ARMC2: variants seen among roughly 807,000 people sequenced by gnomAD.
The protein encoded by ARMC2 is armadillo repeat containing 2, also known as armadillo repeat-containing protein 2.
Under a neutral mutation model 90.3 loss-of-function variants are expected in ARMC2, and 67 were observed. That is an observed-to-expected ratio of 0.74 (90% CI 0.61 to 0.91). ARMC2 has a LOEUF of 0.91. Among genes scored for constraint, ARMC2 ranks in the 40% least tolerant of loss-of-function variants. ARMC2 has a pLI of 0.00. For synonymous variants in ARMC2, 393 were observed against 393.0 expected (o/e 1.00, Z 0.00); for missense variants, 920 against 1,030.9 (o/e 0.89, Z 1.47).
At position 108,928,244 on chromosome 6, in the gene ARMC2, T is replaced by G; in HGVS notation, c.1496+11T>G. 2 of 1,476,912 alleles carry G rather than the reference T, an allele frequency of 1.4e-6. No individual in the cohort carries two copies. The highest frequency in any genetic ancestry group is 1.8e-6 in the Non-Finnish European group (2 of 1,108,902). The allele number at this position is 1,476,912 out of a possible 1,614,324, so 91.5% of individuals were successfully genotyped here. A position where few individuals can be genotyped will look rare whatever the true frequency, so the allele number is the denominator to read the frequency against. On this transcript the variant is annotated intron_variant, in intron 11 of 17. Transcript: ENST00000392644. ...TGCCAGAATATTCAGGTAGGTAGAC[T>G]AAGACGTGAAGTAGCCTTACAAAAA...
the ARMC2 span, chr6:108,988,432 T>C: frequency 2.2e-6 from 2 of 921,150 alleles, no homozygotes; most frequent in Non-Finnish European, 3.1e-6. Context: ...GGAATGTTTT[T>C]CTTTGGGTTG....
At chr6:108,859,882 C>T (rs1209135187) in intron 3 of ARMC2, among the ~76,000 whole-genome samples, 1 of 151,874 alleles carries the variant, frequency 6.6e-6, no homozygotes, top group African/African-American at 2.4e-5. Flanking sequence ...TGCATGTTTG[C>T]AATCCCAGCC....
chr6:109,034,957 A>G, the ARMC2 span, among the ~76,000 whole-genome samples: 1 of 152,246 alleles, frequency 6.6e-6, no homozygotes, highest in Non-Finnish European at 1.5e-5. Context: ...TGTCACTGGA[A>G]GCCTAATCTC....
intron 17 of ARMC2, among the ~76,000 whole-genome samples, chr6:108,965,373 T>A (rs973276828): frequency 8.1e-6 from 1 of 122,736 alleles, no homozygotes. Flanking sequence ...TTCTATGGCT[T>A]TTTTTTTTTT....
In ARMC2 at chr6:108,899,807, A is replaced by G. The variant is rs1264862517; in HGVS notation, c.847+15A>G. 6.3e-7 allele frequency: 1 copy of G among 1,589,832 alleles called. No homozygotes were observed. The highest frequency in any genetic ancestry group is 2.2e-5 in the East Asian group (1 of 44,694). On this transcript the variant is annotated intron_variant, in intron 7 of 17. Coordinates refer to ENST00000392644, the MANE Select transcript of ARMC2 (RefSeq NM_032131.6). The stretch of plus-strand genomic sequence containing the variant: ...ATTAGAAAAGGGTAAAACACAAACA[A>G]ACAAACAAAAAACCGTTTTTGTTTT...
At chr6:108,944,031 G>A (rs1316049806) in intron 12 of ARMC2, among the ~76,000 whole-genome samples, 1 of 152,184 alleles carries the variant, frequency 6.6e-6, no homozygotes, top group Non-Finnish European at 1.5e-5. Context: ...CAAATGAACA[G>A]CAGGTTTTGA....
intron 13 of ARMC2, among the ~76,000 whole-genome samples, chr6:108,956,006 C>A (rs529208493): frequency 1.3e-5 from 2 of 152,302 alleles, no homozygotes; most frequent in Admixed American, 1.3e-4. Context: ...GCCTCCTTTG[C>A]CCCCAGGTGA....
At chr6:108,978,332 G>T (rs188202836), downstream of ARMC2, among the ~76,000 whole-genome samples, 1 of 152,136 alleles carries the variant, frequency 6.6e-6, no homozygotes, top group Non-Finnish European at 1.5e-5. Flanking sequence ...TTAGTCCTGA[G>T]TTCTAATTTG....
intron 4 of ARMC2, among the ~76,000 whole-genome samples, chr6:108,871,945 A>G (rs1582971894): frequency 6.6e-6 from 1 of 152,230 alleles, no homozygotes; most frequent in African/African-American, 2.4e-5. Context: ...GGCAACAAAA[A>G]GTCATTGTTA....
At chr6:108,900,071 C>G (rs1394919755) in intron 7 of ARMC2, among the ~76,000 whole-genome samples, 1 of 152,166 alleles carries the variant, frequency 6.6e-6, no homozygotes, top group East Asian at 1.9e-4. Flanking sequence ...AGCATTTCCT[C>G]TGTCCAAGGA....
chr6:108,898,227 A>G (rs1187000220), intron 6 of ARMC2, among the ~76,000 whole-genome samples: 1 of 152,086 alleles, frequency 6.6e-6, no homozygotes, highest in Non-Finnish European at 1.5e-5. Context: ...TACATGGGCC[A>G]TATACCCGTT....
chr6:108,879,309 C>A (rs1198333441), intron 5 of ARMC2, among the ~76,000 whole-genome samples: 4 of 151,634 alleles, frequency 2.6e-5, no homozygotes, highest in Non-Finnish European at 4.4e-5. Flanking sequence ...TCCATCTACC[C>A]ATCCACCCAT....
At chr6:108,975,066 T>C (rs571005392), downstream of ARMC2, among the ~76,000 whole-genome samples, 1 of 152,142 alleles carries the variant, frequency 6.6e-6, no homozygotes, top group South Asian at 2.1e-4. Flanking sequence ...TGGAGGTTTG[T>C]TACATGGGTA....
intron 12 of ARMC2, among the ~76,000 whole-genome samples, chr6:108,943,516 G>A (rs1583183118): frequency 6.6e-6 from 1 of 152,080 alleles, no homozygotes; most frequent in African/African-American, 2.4e-5. Context: ...ATTTGCCTGG[G>A]GAGCTTTAAA....
chr6:108,936,680 A>G (rs1583167897), intron 11 of ARMC2, among the ~76,000 whole-genome samples: 2 of 152,250 alleles, frequency 1.3e-5, no homozygotes, highest in East Asian at 3.8e-4. Flanking sequence ...GTACACCTAC[A>G]TGTAAGTTAC....
intron 13 of ARMC2, among the ~76,000 whole-genome samples, chr6:108,957,674 G>C (rs1032090119): frequency 5.9e-5 from 9 of 152,140 alleles, no homozygotes; most frequent in African/African-American, 2.2e-4. Flanking sequence ...GGAGTTACTT[G>C]TACCCCAGGA....
intron 10 of ARMC2, among the ~76,000 whole-genome samples, chr6:108,917,155 GTA>G (rs1455741120): frequency 2.0e-5 from 3 of 152,120 alleles, no homozygotes; most frequent in African/African-American, 7.2e-5. Flanking sequence ...TTAGAGAAAT[GTA>G]TTATTTGCCT....
At chr6:108,891,153 G>T (rs1770988056) in intron 5 of ARMC2, among the ~76,000 whole-genome samples, 2 of 152,128 alleles carry the variant, frequency 1.3e-5, no homozygotes, top group Admixed American at 1.3e-4. Flanking sequence ...GCCTATCATT[G>T]ATGGACATTT....
the ARMC2 span, among the ~76,000 whole-genome samples, chr6:109,041,432 G>A: frequency 4.6e-5 from 7 of 151,998 alleles, no homozygotes; most frequent in Admixed American, 1.3e-4. Flanking sequence ...AAGTACTTAC[G>A]CCACTAACAA....
Sources: gnomAD v4.1 joint callset for allele counts (sites outside exome capture counted in the v4.1 genomes callset) on GRCh38, gnomAD v4.1.1 for gene constraint, MANE v1.5 for transcripts, NCBI Gene and HGNC (gene_info 2026-07-23, HGNC 2026-07-21) for gene names.